The following UPF3A variants were observed in gnomAD, a reference collection of about 807,000 sequenced individuals.
UPF3A encodes the protein regulator of nonsense transcripts 3A.
Under a neutral mutation model 53.5 loss-of-function variants are expected in UPF3A, and 42 were observed. The observed-to-expected ratio is 0.78, with a 90% CI of 0.61 to 1.01. The LOEUF (loss-of-function observed/expected upper bound fraction) is 1.01, where lower values mean the gene tolerates loss of function less well. Ranked by LOEUF, UPF3A falls within the 50% of genes least tolerant of loss-of-function variation. UPF3A has a pLI of 0.00. For missense variants in UPF3A, 575 were observed against 598.0 expected (o/e 0.96, Z 0.40); for synonymous variants, 237 against 225.3 (o/e 1.05, Z -0.47).
intron 9 of UPF3A, among the ~76,000 whole-genome samples, chr13:114,303,339 G>A (rs1234983493): frequency 3.9e-5 from 6 of 152,162 alleles, no homozygotes; most frequent in African/African-American, 7.2e-5. Context: ...TGAGGTGGGG[G>A]AGCATTTGCT....
chr13:114,297,746 T>C (rs1246864743), intron 7 of UPF3A, among the ~76,000 whole-genome samples: 1 of 152,074 alleles, frequency 6.6e-6, no homozygotes, highest in Non-Finnish European at 1.5e-5. Flanking sequence ...GGAGAATTGC[T>C]TGAACCAGGG....
At chr13:114,290,915 A>G (rs1321004244) in intron 5 of UPF3A, among the ~76,000 whole-genome samples, 4 of 151,140 alleles carry the variant, frequency 2.6e-5, no homozygotes, top group East Asian at 1.9e-4. Flanking sequence ...GTATTTTTTC[A>G]GTAGAGACGG....
chr13:114,298,863 A>C lies in UPF3A; in HGVS notation c.870A>C (p.Gly290=). 6.3e-7 allele frequency: 1 copy of C among 1,582,524 alleles called. No individual in the cohort carries two copies. Among genetic ancestry groups the C allele is most frequent in the Non-Finnish European group, 8.6e-7 (1 of 1,168,014 alleles). The change falls in exon 8 of 10, where the codon GGA becomes GGC. Residue 290 remains glycine (G), a synonymous_variant. Coordinates refer to ENST00000375299, the MANE Select transcript of UPF3A (RefSeq NM_023011.4). ...AGCTTCTTAAGAAACCAGAAAAGGG[A>C]GAGGAACCAACCACAGAGAAACCAA... The part of the protein sequence containing the change: ...RIKLLKKPEK[G]EEPTTEKPKE...
At chr13:114,304,707 C>G in intron 9 of UPF3A, 82 bp from the exon 10 acceptor site, 15 of 1,524,578 alleles carry the variant, frequency 9.8e-6, no homozygotes, top group Admixed American at 2.1e-5. Context: ...TTCATATCAT[C>G]AAGTTCTAGA....
intron 8 of UPF3A, among the ~76,000 whole-genome samples, 167 bp from the exon 9 acceptor site, chr13:114,301,558 TGTAGTG>T (rs1438578285): frequency 6.6e-6 from 1 of 152,140 alleles, no homozygotes; most frequent in Non-Finnish European, 1.5e-5. Flanking sequence ...TATTCCTCTT[TGTAGTG>T]GTTTTTATCA....
intron 7 of UPF3A, among the ~76,000 whole-genome samples, chr13:114,292,209 GTTCA>G (rs1438615628): frequency 6.7e-6 from 1 of 148,584 alleles, no homozygotes; most frequent in East Asian, 2.0e-4. Flanking sequence ...TGTGTTACGT[GTTCA>G]TTTTCGACTC....
At chr13:114,298,476 G>T (rs1168625479) in intron 7 of UPF3A, among the ~76,000 whole-genome samples, 3 of 152,180 alleles carry the variant, frequency 2.0e-5, no homozygotes, top group African/African-American at 4.8e-5. Context: ...GGAGGCGGAG[G>T]CTGCAGTGAG....
chr13:114,297,414 C>G (rs1419382170), intron 7 of UPF3A, among the ~76,000 whole-genome samples: 1 of 152,182 alleles, frequency 6.6e-6, no homozygotes, highest in African/African-American at 2.4e-5. Flanking sequence ...TAAAAATCAT[C>G]AGTAGGAAGC....
At chr13:114,304,674 C>T (rs2086881954) in intron 9 of UPF3A, 115 bp from the exon 10 acceptor site, 8 of 1,413,248 alleles carry the variant, frequency 5.7e-6, no homozygotes, top group Non-Finnish European at 7.7e-6. Context: ...TTTTTAGCTG[C>T]CTAGTTGATT....
chr13:114,283,143 G>A, intron 3 of UPF3A, 200 bp downstream of exon 3: 1 of 469,028 alleles, frequency 2.1e-6, no homozygotes, highest in Non-Finnish European at 3.8e-6. Flanking sequence ...AGCCTCCTAG[G>A]TAGCAGGGAC....
intron 7 of UPF3A, among the ~76,000 whole-genome samples, chr13:114,293,723 GA>G (rs1356242007): frequency 6.6e-6 from 1 of 152,072 alleles, no homozygotes; most frequent in African/African-American, 2.4e-5. Flanking sequence ...ACAATATGAG[GA>G]AAAAAATGAA....
chr13:114,281,916 G>GGGGAGGGAA, intron 1 of UPF3A, 70 bp downstream of exon 1: 1 of 1,097,296 alleles, frequency 9.1e-7, no homozygotes, highest in East Asian at 2.7e-5. Context: ...AGGGGAGGGA[G>GGGGAGGGAA]GGGAGGGAGG....
In UPF3A at chr13:114,292,592, A is replaced by C. The variant is rs566586248; in HGVS notation, c.846+800A>C. ...CAAGGCGTACACGTGCAGGTGTGTT[A>C]CGTGTTCATTTTCGGTTCAAGGCGT... On this transcript the variant is annotated intron_variant, in intron 7 of 9. Coordinates refer to ENST00000375299, the MANE Select transcript of UPF3A (RefSeq NM_023011.4). Among the ~76,000 whole-genome samples the C allele has an allele frequency of 1.8e-3, 267 of 149,184 alleles. 2 individuals are homozygous for C. Among genetic ancestry groups the C allele is most frequent in the Admixed American group, 3.5e-3 (53 of 14,984 alleles).
intron 7 of UPF3A, among the ~76,000 whole-genome samples, chr13:114,296,242 G>A (rs1414983489): frequency 6.6e-6 from 1 of 152,142 alleles, no homozygotes; most frequent in African/African-American, 2.4e-5. Context: ...AATTAGCCAG[G>A]CATGGTGGCG....
intron 8 of UPF3A, among the ~76,000 whole-genome samples, chr13:114,300,403 G>A (rs1040506119): frequency 1.4e-4 from 21 of 151,902 alleles, no homozygotes; most frequent in African/African-American, 4.4e-4. Flanking sequence ...ACAAAGTCTC[G>A]CCCTGTCGCC....
At chr13:114,294,798 C>A (rs1468514335) in intron 7 of UPF3A, among the ~76,000 whole-genome samples, 2 of 151,330 alleles carry the variant, frequency 1.3e-5, no homozygotes, top group African/African-American at 4.9e-5. Flanking sequence ...GCACTCCAGC[C>A]TGGGCGACAG....
intron 7 of UPF3A, among the ~76,000 whole-genome samples, chr13:114,296,157 G>A (rs2085977866): frequency 6.6e-6 from 1 of 152,252 alleles, no homozygotes; most frequent in Non-Finnish European, 1.5e-5. Flanking sequence ...GGCCAAGGCA[G>A]GTGGATCCCG....
intron 2 of UPF3A, 105 bp from the exon 3 acceptor site, chr13:114,282,732 G>A: frequency 6.6e-7 from 1 of 1,510,296 alleles, no homozygotes; most frequent in Non-Finnish European, 8.8e-7. Context: ...TGGCACAAAA[G>A]TTTTATCTAA....
At chr13:114,300,527 C>T (rs2086496573) in intron 8 of UPF3A, among the ~76,000 whole-genome samples, 1 of 146,510 alleles carries the variant, frequency 6.8e-6, no homozygotes, top group African/African-American at 2.7e-5. Flanking sequence ...CGCCACCATG[C>T]CTGGCTAATT....
Sources: gnomAD v4.1 joint callset for allele counts (sites outside exome capture counted in the v4.1 genomes callset) on GRCh38, gnomAD v4.1.1 for gene constraint, MANE v1.5 for transcripts, NCBI Gene and HGNC (gene_info 2026-07-23, HGNC 2026-07-21) for gene names.